The following TMEM225 variants were observed in gnomAD, a reference collection of about 807,000 sequenced individuals.
TMEM225 encodes the protein transmembrane protein 225.
Under a neutral mutation model 17.6 loss-of-function variants are expected in TMEM225, and 10 were observed. The ratio of observed to expected loss-of-function variants is 0.57; its 90% confidence interval spans 0.35 to 0.96. TMEM225 has a LOEUF of 0.96. Ranked by LOEUF, TMEM225 falls within the 40% of genes least tolerant of loss-of-function variation. The pLI is 0.02. For synonymous variants in TMEM225, 101 were observed against 94.5 expected (o/e 1.07, Z -0.40); for missense variants, 245 against 271.5 (o/e 0.90, Z 0.69).
chr11:123,884,653 G>A lies in TMEM225; in HGVS notation c.182-17C>T. Reference sequence around the variant, plus strand: ...TCAGGTCATCTGTTGGAAAGCAAAAGCTGTTTTGAGAGGACAGATATTTCT... The same window carrying A: ...TCAGGTCATCTGTTGGAAAGCAAAAACTGTTTTGAGAGGACAGATATTTCT... On this transcript the variant is annotated splice_polypyrimidine_tract_variant and intron_variant, in intron 1 of 3. Transcript: ENST00000375026. 1 of 1,605,642 alleles carries A rather than the reference G, an allele frequency of 6.2e-7. No individual in the cohort carries two copies. Among genetic ancestry groups the A allele is most frequent in the South Asian group, 1.1e-5 (1 of 89,396 alleles).
rs965410369 is a variant in TMEM225, at chr11:123,885,534, G to A, written c.-109C>T. On this transcript the variant is annotated 5_prime_UTR_variant, in exon 1 of 4. Coordinates refer to ENST00000375026, the MANE Select transcript of TMEM225 (RefSeq NM_001013743.3). The stretch of plus-strand genomic sequence containing the variant: ...ATCTGAACTTTCAGTGGTTGCTGAG[G>A]CATTGGTAACAGCAGAAGCTGAAGT... 3 of 1,027,784 alleles carry A rather than the reference G, an allele frequency of 2.9e-6. No individual in the cohort carries two copies. The highest frequency in any genetic ancestry group is 1.6e-5 in the African/African-American group (1 of 61,712). The allele number at this position is 1,027,784 out of a possible 1,614,324, so 63.7% of individuals were successfully genotyped here.
chr11:123,883,930 G>T, intron 3 of TMEM225, 145 bp downstream of exon 3: 1 of 864,618 alleles, frequency 1.2e-6, no homozygotes. Flanking sequence ...TGGAGGAACT[G>T]TCATCAGAGA....
In TMEM225 at chr11:123,884,196, G is replaced by C. The variant is rs1284989000; in HGVS notation, c.342C>G (p.Leu114=). ...TATTGTGATATAGTATGAGTGCCCA[G>C]AGCAGAGAGATACCTGATGTCCAGA... ...ILSFFSGISL[L]WALILYHNKL... The change falls in exon 3 of 4, where the codon CTC becomes CTG. Residue 114 remains leucine, a synonymous_variant. Transcript: ENST00000375026. 5.3e-6 allele frequency: 8 copies of C among 1,498,378 alleles called. No homozygotes were observed. The highest frequency in any genetic ancestry group is 1.6e-5 in the African/African-American group (1 of 64,330). 92.8% of individuals were successfully genotyped at this position (1,498,378 alleles called of 1,614,324 possible).
intron 3 of TMEM225, 102 bp from the exon 4 acceptor site, chr11:123,883,454 T>C: frequency 1.2e-6 from 1 of 837,626 alleles, no homozygotes. Flanking sequence ...GCCCAGTGGA[T>C]CCCTTTTAAC....
chr11:123,884,279 C>T, intron 2 of TMEM225, 70 bp from the exon 3 acceptor site: 1 of 1,498,562 alleles, frequency 6.7e-7, no homozygotes, highest in Non-Finnish European at 8.8e-7. Context: ...ACTTTGGCTC[C>T]TTGATGCAAG....
chr11:123,885,188 C>T, intron 1 of TMEM225, 57 bp downstream of exon 1: 2 of 1,514,274 alleles, frequency 1.3e-6, no homozygotes, highest in South Asian at 2.5e-5. Context: ...TAAGGAAAGC[C>T]AAGTTAAGGA....
chr11:123,883,998 T>C, intron 3 of TMEM225, 77 bp downstream of exon 3: 1 of 1,467,444 alleles, frequency 6.8e-7, no homozygotes, highest in Non-Finnish European at 9.1e-7. Flanking sequence ...TTTCCCTCTA[T>C]TCTCATCTTT....
chr11:123,884,400 T>C (rs1863010832), intron 2 of TMEM225, 90 bp downstream of exon 2: 1 of 763,088 alleles, frequency 1.3e-6, no homozygotes, highest in Non-Finnish European at 1.9e-6. Context: ...AGAAGCTACA[T>C]ATATATATAT....
chr11:123,885,039 A>G (rs575703404), intron 1 of TMEM225, among the ~76,000 whole-genome samples: 1 of 152,256 alleles, frequency 6.6e-6, no homozygotes, highest in African/African-American at 2.4e-5. Flanking sequence ...GTGAACATAT[A>G]AACTTTTCTC....
Position 123,883,098 on chromosome 11 carries a change from C to T in TMEM225, c.*40G>A, listed in dbSNP as rs748425730. The T allele has an allele frequency of 5.8e-6, 9 of 1,548,164 alleles. No individual in the cohort carries two copies. In the East Asian group the frequency reaches 1.6e-4, roughly 27 times the overall value. ...CAGCACACACCCACAAAGCTTTTTC[C>T]ATAAAGATGAGCATATACTGCAAGA... On this transcript the variant is annotated 3_prime_UTR_variant, in exon 4 of 4. Coordinates refer to ENST00000375026, the MANE Select transcript of TMEM225 (RefSeq NM_001013743.3).
intron 3 of TMEM225, 133 bp downstream of exon 3, chr11:123,883,942 T>A (rs1290935747): frequency 2.1e-6 from 2 of 941,140 alleles, no homozygotes; most frequent in African/African-American, 1.7e-5. Flanking sequence ...CATCAGAGAA[T>A]GAATCCAGGT....
intron 2 of TMEM225, 28 bp from the exon 3 acceptor site, chr11:123,884,237 A>C (rs748756551): frequency 6.4e-7 from 1 of 1,552,918 alleles, no homozygotes; most frequent in East Asian, 2.3e-5. Flanking sequence ...AAAAAAAAAA[A>C]AAAAGAAAAA....
At position 123,884,751 on chromosome 11, in the gene TMEM225, A is replaced by G; in HGVS notation, c.182-115T>C. 4 of 1,016,932 alleles carry G rather than the reference A, an allele frequency of 3.9e-6. No homozygotes were observed. In the South Asian group the frequency reaches 7.6e-5, roughly 19 times the overall value. 63.0% of individuals were successfully genotyped at this position (1,016,932 alleles called of 1,614,324 possible). On this transcript the variant is annotated intron_variant, in intron 1 of 3. Transcript: ENST00000375026. ...GGAATAGGGTGAAAGATTTGATTAA[A>G]CAATAAGAAAGAAGTTGGAAAATAA...
rs1863032198 is a variant in TMEM225 at position 123,885,546 on chromosome 11, G to A, written c.-121C>T. 1.1e-6 allele frequency: 1 copy of A among 875,898 alleles called. No homozygotes were observed. The highest frequency in any genetic ancestry group is 2.6e-5 in the Admixed American group (1 of 38,458). 54.3% of individuals were successfully genotyped at this position (875,898 alleles called of 1,614,324 possible). A position where few individuals can be genotyped will look rare whatever the true frequency, so the allele number is the denominator to read the frequency against. ...AGTGGTTGCTGAGGCATTGGTAACA[G>A]CAGAAGCTGAAGTAGTCTATAAAAC... On this transcript the variant is annotated 5_prime_UTR_variant, in exon 1 of 4. Transcript: ENST00000375026.
chr11:123,883,088 A>G lies in TMEM225; in HGVS notation c.*50T>C. ...GTTGGAGACACAGCACACACCCACA[A>G]AGCTTTTTCCATAAAGATGAGCATA... On this transcript the variant is annotated 3_prime_UTR_variant, in exon 4 of 4. Coordinates refer to ENST00000375026, the MANE Select transcript of TMEM225 (RefSeq NM_001013743.3). The G allele has an allele frequency of 1.3e-6, 2 of 1,494,166 alleles. No individual in the cohort carries two copies. The highest frequency in any genetic ancestry group is 1.1e-5 in the South Asian group (1 of 87,432). The allele number at this position is 1,494,166 out of a possible 1,614,324, so 92.6% of individuals were successfully genotyped here.
Position 123,883,336 on chromosome 11 carries a change from T to A in TMEM225, c.480A>T (p.Leu160=). The A allele has an allele frequency of 6.2e-7, 1 of 1,612,236 alleles. No homozygotes were observed. Among genetic ancestry groups the A allele is most frequent in the Non-Finnish European group, 8.5e-7 (1 of 1,178,690 alleles). The change falls in exon 4 of 4, where the codon CTA becomes CTT. Residue 160 remains leucine (L), a synonymous_variant. Coordinates refer to ENST00000375026, the MANE Select transcript of TMEM225 (RefSeq NM_001013743.3). ...AGCTACTGGTAGACAACTTGCACTC[T>A]AGGAGAGAGAGGACTCCTAGGGAAA... ...FLSVCGVLSL[L]ECKLSTSSCT...
Position 123,885,650 on chromosome 11 carries a change from C to A in TMEM225, c.-225G>T. The A allele has an allele frequency of 1.8e-6, 1 of 542,190 alleles. No homozygotes were observed. Among genetic ancestry groups the A allele is most frequent in the Non-Finnish European group, 3.3e-6 (1 of 307,340 alleles). 33.6% of individuals were successfully genotyped at this position (542,190 alleles called of 1,614,324 possible). On this transcript the variant is annotated 5_prime_UTR_variant, in exon 1 of 4. It removes an upstream start codon present in the reference 5' UTR. Coordinates refer to ENST00000375026, the MANE Select transcript of TMEM225 (RefSeq NM_001013743.3). Reference sequence around the variant, plus strand: ...GCCTGCTGTCAGGACTGCCAACTGCCATGGAATCATCTATTGGTTTGACCC... The same window carrying A: ...GCCTGCTGTCAGGACTGCCAACTGCAATGGAATCATCTATTGGTTTGACCC...
chr11:123,883,169 AC>A lies in TMEM225; in HGVS notation c.646del (p.Val216SerfsTer6), dbSNP rs1213052347. ...AHTVNSLNKK[V>X]QTRHVTWAL Reference sequence around the variant, plus strand: ...AGCCCAGGTTACGTGACGTGTTTGGACTTTTTTGTTTAGGGAATTCACAGTG... The same window carrying A: ...AGCCCAGGTTACGTGACGTGTTTGGATTTTTTGTTTAGGGAATTCACAGTG... On this transcript the variant is annotated frameshift_variant, in exon 4 of 4. Coordinates refer to ENST00000375026, the MANE Select transcript of TMEM225 (RefSeq NM_001013743.3). LOFTEE classifies it high-confidence loss of function. The A allele has an allele frequency of 6.2e-7, 1 of 1,613,462 alleles. No individual in the cohort carries two copies. The highest frequency in any genetic ancestry group is 2.2e-5 in the East Asian group (1 of 44,840).
chr11:123,885,418 TG>T lies in TMEM225; in HGVS notation c.7del (p.His3MetfsTer10). 1 of 1,609,834 alleles carries T rather than the reference TG, an allele frequency of 6.2e-7. No homozygotes were observed. The highest frequency in any genetic ancestry group is 1.3e-5 in the African/African-American group (1 of 74,834). Reference sequence around the variant, plus strand: ...ACCCTGGATACTTCTATTTGAAACATGCACCATTGTGAGTGAAAATTTCTAG... The same window carrying T: ...ACCCTGGATACTTCTATTTGAAACATCACCATTGTGAGTGAAAATTTCTAG... MV[H>X]VSNRSIQGMN... On this transcript the variant is annotated frameshift_variant, in exon 1 of 4. Coordinates refer to ENST00000375026, the MANE Select transcript of TMEM225 (RefSeq NM_001013743.3). LOFTEE classifies it high-confidence loss of function.
Sources: gnomAD v4.1 joint callset for allele counts (sites outside exome capture counted in the v4.1 genomes callset) on GRCh38, gnomAD v4.1.1 for gene constraint, MANE v1.5 for transcripts, NCBI Gene and HGNC (gene_info 2026-07-23, HGNC 2026-07-21) for gene names.